NTRK2: variants seen among roughly 807,000 people sequenced by gnomAD.
The protein encoded by NTRK2 is BDNF/NT-3 growth factors receptor.
Under a neutral mutation model 94.5 loss-of-function variants are expected in NTRK2, and 13 were observed. That is an observed-to-expected ratio of 0.14 (90% CI 0.09 to 0.22). The LOEUF (loss-of-function observed/expected upper bound fraction) is 0.22. NTRK2 is among the 10% of genes least tolerant of loss of function. NTRK2 has a pLI of 1.00. For missense variants in NTRK2, 639 were observed against 1,071.2 expected (o/e 0.60, Z 5.63); for synonymous variants, 372 against 407.4 (o/e 0.91, Z 1.05).
chr9:84,899,257 G>A (rs2076853926), intron 14 of NTRK2, among the ~76,000 whole-genome samples: 1 of 152,118 alleles, frequency 6.6e-6, no homozygotes, highest in African/African-American at 2.4e-5. Flanking sequence ...GAATGACTTT[G>A]AAATTAAAAA....
intron 17 of NTRK2, among the ~76,000 whole-genome samples, chr9:84,969,267 G>C (rs1825914509): frequency 6.6e-6 from 1 of 152,178 alleles, no homozygotes; most frequent in Admixed American, 6.5e-5. Flanking sequence ...CTTTGGAGTT[G>C]GTCCAGAACG....
At chr9:84,757,496 C>T (rs1414598505) in intron 12 of NTRK2, among the ~76,000 whole-genome samples, 1 of 152,166 alleles carries the variant, frequency 6.6e-6, no homozygotes, top group African/African-American at 2.4e-5. Context: ...AATAGTATTT[C>T]CCAGTTGTCT....
intron 12 of NTRK2, among the ~76,000 whole-genome samples, chr9:84,803,108 A>G (rs1161535253): frequency 6.6e-6 from 1 of 152,172 alleles, no homozygotes; most frequent in Non-Finnish European, 1.5e-5. Context: ...CCAGATACCA[A>G]CAGAGTGCCA....
intron 2 of NTRK2, among the ~76,000 whole-genome samples, chr9:84,701,692 C>T (rs576995709): frequency 1.2e-4 from 19 of 152,158 alleles, no homozygotes; most frequent in Admixed American, 2.0e-4. Context: ...GTAGGGAAAA[C>T]GCACCTTAGT....
intron 17 of NTRK2, among the ~76,000 whole-genome samples, chr9:84,981,665 G>T (rs1260224615): frequency 1.3e-5 from 2 of 152,056 alleles, no homozygotes; most frequent in Non-Finnish European, 2.9e-5. Context: ...ACATGTTCTT[G>T]TTCCCCATTA....
At chr9:84,981,518 A>G (rs1478890066) in intron 17 of NTRK2, among the ~76,000 whole-genome samples, 2 of 152,198 alleles carry the variant, frequency 1.3e-5, no homozygotes, top group Non-Finnish European at 2.9e-5. Flanking sequence ...TAAGCAAGTA[A>G]TTATTCTAAT....
At chr9:84,741,695 T>C (rs774800540) in intron 9 of NTRK2, among the ~76,000 whole-genome samples, 197 bp from the exon 10 acceptor site, 31 of 152,198 alleles carry the variant, frequency 2.0e-4, no homozygotes, top group Non-Finnish European at 2.6e-4. Context: ...GGGATGAAAG[T>C]GGGAGAACCG....
At chr9:84,816,550 G>C (rs987193223) in intron 12 of NTRK2, among the ~76,000 whole-genome samples, 1 of 151,994 alleles carries the variant, frequency 6.6e-6, no homozygotes, top group African/African-American at 2.4e-5. Context: ...GGAGGCTGAG[G>C]CGGGCGGATC....
chr9:84,699,186 G>A (rs994417791), intron 2 of NTRK2, among the ~76,000 whole-genome samples: 2 of 151,828 alleles, frequency 1.3e-5, no homozygotes, highest in Admixed American at 6.6e-5. Flanking sequence ...ACAGGTACCC[G>A]CCACCACGCC....
chr9:84,874,327 G>A (rs202048403), intron 14 of NTRK2: 48 of 1,065,184 alleles, frequency 4.5e-5, no homozygotes, highest in Non-Finnish European at 5.2e-5. Context: ...TTGGATGTGA[G>A]GCTCAATCCT....
rs200640155 is a variant in NTRK2, at chr9:84,855,583, T to A, written c.1397-5457T>A. Among the ~76,000 whole-genome samples, 913 of 123,202 alleles carry A rather than the reference T, an allele frequency of 7.4e-3. 8 individuals are homozygous for A. Among genetic ancestry groups the A allele is most frequent in the Non-Finnish European group, 9.2e-3 (558 of 60,970 alleles). The allele number at this position is 123,202 out of a possible 152,430, so 80.8% of individuals were successfully genotyped here. On this transcript the variant is annotated intron_variant, in intron 12 of 18. Transcript: ENST00000277120. The stretch of plus-strand genomic sequence containing the variant: ...TCAGTTAATAAAACCTCAAGCATAT[T>A]TTTTTTTTTTTTTTTGTCTACATCT...
rs996085499 is a variant in NTRK2 at position 84,842,211 on chromosome 9, A to G, written c.1397-18829A>G. ...GGTATAGGACGTACTTTGGGATGCA[A>G]CTCCGTTCCTCGTGAAGAGGCTCTG... On this transcript the variant is annotated intron_variant, in intron 12 of 18. Transcript: ENST00000277120. 2.0e-4 allele frequency among the ~76,000 whole-genome samples: 30 copies of G among 151,412 alleles called. 1 individual carries two copies. The highest frequency in any genetic ancestry group is 3.1e-4 in the Non-Finnish European group (21 of 67,886).
At chr9:84,815,462 C>T in intron 12 of NTRK2, 1 of 1,040,214 alleles carries the variant, frequency 9.6e-7, no homozygotes, top group South Asian at 4.6e-5. Context: ...TCACGCACTT[C>T]ATGTTCAACC....
chr9:84,821,347 C>A (rs72737699), intron 12 of NTRK2, among the ~76,000 whole-genome samples: 496 of 17,798 alleles, frequency 0.028, 3 homozygotes, highest in African/African-American at 0.054. Flanking sequence ...ACACACACAC[C>A]CCTATGGAAT....
intron 12 of NTRK2, among the ~76,000 whole-genome samples, chr9:84,789,482 G>A (rs1344769600): frequency 6.6e-6 from 1 of 152,150 alleles, no homozygotes; most frequent in Non-Finnish European, 1.5e-5. Flanking sequence ...AAAACACCGA[G>A]GCTCAAGGTT....
chr9:84,858,241 T>G (rs915925944), intron 12 of NTRK2, among the ~76,000 whole-genome samples: 1 of 152,186 alleles, frequency 6.6e-6, no homozygotes, highest in African/African-American at 2.4e-5. Flanking sequence ...TGCCTTAATT[T>G]TTTTCCTCCC....
chr9:84,963,354 C>T (rs780750575), intron 17 of NTRK2, among the ~76,000 whole-genome samples: 1 of 152,174 alleles, frequency 6.6e-6, no homozygotes, highest in Non-Finnish European at 1.5e-5. Context: ...GCTTTGGGGT[C>T]ATCAAAGAAA....
chr9:84,791,871 A>C (rs968439538), intron 12 of NTRK2, among the ~76,000 whole-genome samples: 3 of 152,196 alleles, frequency 2.0e-5, no homozygotes, highest in African/African-American at 7.2e-5. Context: ...AGACGAGGCC[A>C]CTGGGAATAT....
intron 12 of NTRK2, among the ~76,000 whole-genome samples, chr9:84,770,489 T>G (rs1297945376): frequency 6.6e-6 from 1 of 152,140 alleles, no homozygotes; most frequent in African/African-American, 2.4e-5. Context: ...CCTTAATAAA[T>G]CACTTGCCAT....
Sources: allele counts gnomAD v4.1 joint callset (sites outside exome capture counted in the v4.1 genomes callset), GRCh38; gene constraint gnomAD v4.1.1; transcripts MANE v1.5; gene names NCBI Gene and HGNC (gene_info 2026-07-23, HGNC 2026-07-21).